PACSIN2: variants seen among roughly 807,000 people sequenced by gnomAD.
The protein encoded by PACSIN2 is protein kinase C and casein kinase substrate in neurons 2.
Under a neutral mutation model 63.8 loss-of-function variants are expected in PACSIN2, and 25 were observed. That is an observed-to-expected ratio of 0.39 (90% CI 0.29 to 0.55). The LOEUF is 0.55. Among genes scored for constraint, PACSIN2 ranks in the 20% least tolerant of loss-of-function variants. The probability of loss-of-function intolerance (pLI) is 0.62; values close to 1 mark genes in which losing one functional copy is unlikely to be tolerated. For synonymous variants in PACSIN2, 255 were observed against 256.2 expected (o/e 1.00, Z 0.05); for missense variants, 518 against 646.9 (o/e 0.80, Z 2.16).
intron 1 of PACSIN2, among the ~76,000 whole-genome samples, chr22:42,957,114 C>T (rs1431160691): frequency 4.0e-5 from 6 of 149,990 alleles, no homozygotes; most frequent in African/African-American, 1.5e-4. Context: ...AGGATAATGT[C>T]GCCTGGCTCA....
rs1214193804 is a variant in PACSIN2 at position 42,982,516 on chromosome 22, T to C, written c.-78+32505A>G. 8.2e-5 allele frequency among the ~76,000 whole-genome samples: 7 copies of C among 85,436 alleles called. 2 individuals are homozygous for C. The highest frequency in any genetic ancestry group is 7.7e-4 in the Admixed American group (5 of 6,534). 56.0% of individuals were successfully genotyped at this position (85,436 alleles called of 152,430 possible). On this transcript the variant is annotated intron_variant, in intron 1 of 10. Transcript: ENST00000263246. Reference sequence around the variant, plus strand: ...GAAGTAGACATGGGAGACTTTTCATTTTGTTCTGTACTAAGAAAAATTCTT... The same window carrying C: ...GAAGTAGACATGGGAGACTTTTCATCTTGTTCTGTACTAAGAAAAATTCTT...
rs568449175 is a variant in PACSIN2 at position 43,006,988 on chromosome 22, C to T, written c.-78+8033G>A. ...GGAACACAGATGGCAATCCTTGAGA[C>T]TCCCAGAGACAGAGGTGACCTTTGT... is the stretch of plus-strand genomic sequence containing the variant. On this transcript the variant is annotated intron_variant, in intron 1 of 10. Coordinates refer to ENST00000263246, the MANE Select transcript of PACSIN2 (RefSeq NM_001184970.3). Among the ~76,000 whole-genome samples, 7 of 152,244 alleles carry T rather than the reference C, an allele frequency of 4.6e-5. No individual in the cohort carries two copies. In the South Asian group the frequency reaches 8.3e-4, roughly 18 times the overall value.
At chr22:43,014,107 T>G (rs1924683478) in intron 1 of PACSIN2, among the ~76,000 whole-genome samples, 1 of 152,044 alleles carries the variant, frequency 6.6e-6, no homozygotes. Context: ...ATCAATGAAA[T>G]TCAACAGCAG....
intron 2 of PACSIN2, among the ~76,000 whole-genome samples, chr22:42,904,996 C>G (rs1569249906): frequency 6.6e-6 from 1 of 152,110 alleles, no homozygotes; most frequent in Non-Finnish European, 1.5e-5. Context: ...AGATTTGTTA[C>G]TGAATAGAAA....
intron 1 of PACSIN2, among the ~76,000 whole-genome samples, chr22:42,941,777 T>C (rs1011894974): frequency 6.6e-6 from 1 of 152,192 alleles, no homozygotes; most frequent in Non-Finnish European, 1.5e-5. Flanking sequence ...TGTTTTGTTT[T>C]GTTTTGTTTG....
intron 1 of PACSIN2, among the ~76,000 whole-genome samples, chr22:42,927,605 G>C (rs1932622818): frequency 6.6e-6 from 1 of 151,370 alleles, no homozygotes; most frequent in Non-Finnish European, 1.5e-5. Context: ...AGTTATTTTT[G>C]AGACTGAGTT....
At chr22:43,005,543 G>T (rs1198358679) in intron 1 of PACSIN2, among the ~76,000 whole-genome samples, 1 of 152,216 alleles carries the variant, frequency 6.6e-6, no homozygotes, top group Non-Finnish European at 1.5e-5. Context: ...GGCCAGGGCA[G>T]GAGGCCTCAC....
chr22:42,972,796 A>C (rs867195346), intron 1 of PACSIN2, among the ~76,000 whole-genome samples: 1 of 152,170 alleles, frequency 6.6e-6, no homozygotes, highest in African/African-American at 2.4e-5. Flanking sequence ...TCCTGGGCTG[A>C]AGCCATGTTC....
intron 1 of PACSIN2, among the ~76,000 whole-genome samples, chr22:42,927,708 C>T (rs1164355441): frequency 2.0e-5 from 3 of 151,666 alleles, no homozygotes; most frequent in Non-Finnish European, 4.4e-5. Context: ...CTGCCTCAGC[C>T]TCCCGAGTAG....
intron 2 of PACSIN2, among the ~76,000 whole-genome samples, chr22:42,899,450 C>T (rs1382277230): frequency 6.6e-6 from 1 of 152,062 alleles, no homozygotes; most frequent in Non-Finnish European, 1.5e-5. Flanking sequence ...CACACAGAGA[C>T]ACCTCTGTAT....
intron 1 of PACSIN2, among the ~76,000 whole-genome samples, chr22:43,012,100 G>A (rs946725471): frequency 6.6e-6 from 1 of 151,676 alleles, no homozygotes; most frequent in Admixed American, 6.6e-5. Context: ...AGCTGAGATC[G>A]CACCACTGCC....
At chr22:42,922,605 G>A (rs999098470) in intron 1 of PACSIN2, among the ~76,000 whole-genome samples, 3 of 152,236 alleles carry the variant, frequency 2.0e-5, no homozygotes, top group African/African-American at 7.2e-5. Flanking sequence ...CCTGCAGCTC[G>A]TTTCCTCTTC....
At chr22:42,983,144 C>T (rs2146889602) in intron 1 of PACSIN2, among the ~76,000 whole-genome samples, 1 of 151,874 alleles carries the variant, frequency 6.6e-6, no homozygotes, top group East Asian at 1.9e-4. Flanking sequence ...TGGTAAAACC[C>T]CGTCTCTACT....
At chr22:42,915,858 G>C (rs149070354) in intron 1 of PACSIN2, among the ~76,000 whole-genome samples, 26 of 152,300 alleles carry the variant, frequency 1.7e-4, no homozygotes, top group Non-Finnish European at 3.4e-4. Context: ...AGGTCTCACT[G>C]AACTGTGCAG....
chr22:42,950,404 A>AGACG (rs2146825953), intron 1 of PACSIN2, among the ~76,000 whole-genome samples: 1 of 922 alleles, frequency 1.1e-3, no homozygotes, highest in African/African-American at 4.7e-3. Flanking sequence ...GATTAGGCTG[A>AGACG]GAGGGAGGGA....
At chr22:42,924,103 A>G (rs1415713989) in intron 1 of PACSIN2, among the ~76,000 whole-genome samples, 1 of 151,486 alleles carries the variant, frequency 6.6e-6, no homozygotes, top group Non-Finnish European at 1.5e-5. Context: ...ATGGCCCCAT[A>G]CTAGAAGGAA....
intron 1 of PACSIN2, among the ~76,000 whole-genome samples, chr22:42,936,934 C>A (rs865886914): frequency 6.7e-6 from 1 of 148,978 alleles, no homozygotes; most frequent in Admixed American, 6.7e-5. Flanking sequence ...GGGGCAGGGG[C>A]AGTAAATTAA....
intron 1 of PACSIN2, among the ~76,000 whole-genome samples, chr22:43,003,272 A>G (rs1923877748): frequency 6.6e-6 from 1 of 152,256 alleles, no homozygotes; most frequent in South Asian, 2.1e-4. Flanking sequence ...AAAGCAAAAA[A>G]GAAGTCATTT....
chr22:42,930,659 C>A (rs931176514), intron 1 of PACSIN2, among the ~76,000 whole-genome samples: 1 of 152,314 alleles, frequency 6.6e-6, no homozygotes, highest in African/African-American at 2.4e-5. Context: ...AAAATACCTC[C>A]ATGGTTTTGG....
Sources: allele counts gnomAD v4.1 joint callset (sites outside exome capture counted in the v4.1 genomes callset), GRCh38; gene constraint gnomAD v4.1.1; transcripts MANE v1.5; gene names NCBI Gene and HGNC (gene_info 2026-07-23, HGNC 2026-07-21).